KMT2A: variants seen among roughly 807,000 people sequenced by gnomAD.
KMT2A encodes the protein histone-lysine N-methyltransferase 2A.
Under a neutral mutation model 345.3 loss-of-function variants are expected in KMT2A, and 16 were observed. The ratio of observed to expected loss-of-function variants is 0.05; its 90% CI spans 0.03 to 0.07. KMT2A has a LOEUF of 0.07. KMT2A is among the 10% of genes least tolerant of loss of function. The pLI, the probability that KMT2A is intolerant of heterozygous loss-of-function variation, is 1.00. For synonymous variants in KMT2A, 1,599 were observed against 1,778.6 expected (o/e 0.90, Z 2.54); for missense variants, 3,272 against 4,841.6 (o/e 0.68, Z 9.62).
rs533671138 is a variant in KMT2A at position 118,523,052 on chromosome 11, G to A, written c.*880G>A. 13 of 219,846 alleles carry A rather than the reference G, an allele frequency of 5.9e-5. No individual in the cohort carries two copies. The highest frequency in any genetic ancestry group is 1.1e-4 in the Non-Finnish European group (12 of 109,504). The allele number at this position is 219,846 out of a possible 1,614,324, so 13.6% of individuals were successfully genotyped here. A position where few individuals can be genotyped will look rare whatever the true frequency, so the allele number is the denominator to read the frequency against. ...AGCACTCCAGGTGGGGAAGTGGACA[G>A]GAGCCATTGGTCATAACCAGACAGA... is the stretch of plus-strand genomic sequence containing the variant. On this transcript the variant is annotated 3_prime_UTR_variant, in exon 36 of 36. Coordinates refer to ENST00000534358, the MANE Select transcript of KMT2A (RefSeq NM_001197104.2).
rs1434227722 is a variant in KMT2A, at chr11:118,506,297, C to A, written c.10405C>A (p.His3469Asn). ...NQLLASKTGI[H>N]SSQRDLDSAS... ...GCTCCTTGCCAGCAAAACTGGGATTCATTCTTCCCAGCGTGATCTTGATTC... is the reference window on the plus strand; with the variant it reads ...GCTCCTTGCCAGCAAAACTGGGATTAATTCTTCCCAGCGTGATCTTGATTC... Residue 3469 changes from histidine to asparagine, a missense_variant, in exon 27 of 36, where the codon CAT (histidine) becomes AAT (asparagine). By Grantham distance (68) the His-to-Asn change is moderately conservative (BLOSUM62 1). Around this residue, in one of 27 missense-constraint regions of KMT2A, gnomAD observed 748 missense variants for 922.2 expected, o/e 0.81. Transcript: ENST00000534358. The A allele has an allele frequency of 1.9e-6, 3 of 1,614,188 alleles. No individual in the cohort carries two copies. The highest frequency in any genetic ancestry group is 2.5e-6 in the Non-Finnish European group (3 of 1,180,028).
chr11:118,518,781 C>CAA (rs372770910), intron 31 of KMT2A, among the ~76,000 whole-genome samples: 2,397 of 111,982 alleles, frequency 0.021, 84 homozygotes, highest in African/African-American at 0.072. Flanking sequence ...GAGTCTGTCT[C>CAA]AAAAAAAAAA....
intron 31 of KMT2A, among the ~76,000 whole-genome samples, chr11:118,518,395 G>A (rs1453192767): frequency 2.6e-5 from 4 of 152,182 alleles, no homozygotes; most frequent in Admixed American, 6.5e-5. Context: ...ACGGTGAGTA[G>A]AACAAAGCAG....
At chr11:118,438,559 TAAC>T (rs1418737541) in intron 1 of KMT2A, among the ~76,000 whole-genome samples, 1 of 152,024 alleles carries the variant, frequency 6.6e-6, no homozygotes, top group African/African-American at 2.4e-5. Context: ...AAGGGAAAGA[TAAC>T]AACCAGCCGT....
Position 118,471,995 on chromosome 11 carries a change from C to G in KMT2A, c.836C>G (p.Ser279Cys). ...KIKKLRAGKL[S>C]PLKSKFKTGK... ...AAAAAATTAAGAGCAGGTAAACTCTCTCCTCTCAAGTCTAAGTTTAAGACA... is the reference window on the plus strand; with the variant it reads ...AAAAAATTAAGAGCAGGTAAACTCTGTCCTCTCAAGTCTAAGTTTAAGACA... The change falls in exon 3 of 36, where the codon TCT becomes TGT. Residue 279 changes from serine (S) to cysteine (C), a missense_variant. Ser to Cys is a moderately radical substitution (Grantham distance 112). Around this residue, in one of 27 missense-constraint regions of KMT2A, gnomAD observed 412 missense variants for 511.0 expected, o/e 0.81. Coordinates refer to ENST00000534358, the MANE Select transcript of KMT2A (RefSeq NM_001197104.2). 6.2e-7 allele frequency: 1 copy of G among 1,614,022 alleles called. No homozygotes were observed. The highest frequency in any genetic ancestry group is 8.5e-7 in the Non-Finnish European group (1 of 1,179,976).
chr11:118,440,489 T>A (rs535019591), intron 1 of KMT2A, among the ~76,000 whole-genome samples: 1 of 152,340 alleles, frequency 6.6e-6, no homozygotes, highest in South Asian at 2.1e-4. Flanking sequence ...GAAGTTAGGC[T>A]GTTGTAATAA....
rs1020726478 is a variant in KMT2A, at chr11:118,506,218, C to T, written c.10326C>T (p.Ala3442=). ...LPSTQTTGIT[A]ASPSGEADEH... ...CCACTCAGACTACGGGCATAACAGC[C>T]GCTTCACCTTCTGGGGAAGCAGACG... is the stretch of plus-strand genomic sequence containing the variant. Residue 3442 remains alanine, a synonymous_variant, in exon 27 of 36, where the codon GCC becomes GCT. Transcript: ENST00000534358. 6.8e-6 allele frequency: 11 copies of T among 1,613,982 alleles called. No individual in the cohort carries two copies. The highest frequency in any genetic ancestry group is 3.3e-4 in the Middle Eastern group (2 of 6,084).
In KMT2A at chr11:118,491,518, TC is replaced by T; in HGVS notation, c.4819+202del. Among the ~76,000 whole-genome samples the T allele has an allele frequency of 1.3e-5, 2 of 152,356 alleles. No homozygotes were observed. Among genetic ancestry groups the T allele is most frequent in the African/African-American group, 4.8e-5 (2 of 41,576 alleles). On this transcript the variant is annotated intron_variant, in intron 14 of 35. Transcript: ENST00000534358. The surrounding 1 kb of genome is among the most constrained non-coding windows in gnomAD (Gnocchi z 4.2). ...ATGCCTTTAAAGTATTTATTTGCTGTCCTTTGTGTGTTCCATAACCTGATTC... is the reference window on the plus strand; with the variant it reads ...ATGCCTTTAAAGTATTTATTTGCTGTCTTTGTGTGTTCCATAACCTGATTC...
intron 28 of KMT2A, among the ~76,000 whole-genome samples, chr11:118,508,362 A>G (rs1217121798): frequency 1.3e-5 from 2 of 152,202 alleles, no homozygotes; most frequent in African/African-American, 2.4e-5. Flanking sequence ...CGCCAATTCT[A>G]TTGTGTGGAT....
intron 1 of KMT2A, among the ~76,000 whole-genome samples, chr11:118,455,525 A>C (rs1473621974): frequency 6.6e-6 from 1 of 152,158 alleles, no homozygotes; most frequent in Non-Finnish European, 1.5e-5. Context: ...ACCATACCAT[A>C]CAAGAATTAA....
intron 31 of KMT2A, among the ~76,000 whole-genome samples, chr11:118,514,815 TAG>T (rs1950774870): frequency 6.6e-6 from 1 of 152,128 alleles, no homozygotes; most frequent in South Asian, 2.1e-4. Context: ...GTATTTTTAG[TAG>T]AGTCAGGGTT....
chr11:118,471,427 C>G (rs1224625078), intron 2 of KMT2A, among the ~76,000 whole-genome samples: 2 of 152,072 alleles, frequency 1.3e-5, no homozygotes, highest in African/African-American at 4.8e-5. Flanking sequence ...TTTTTATTAT[C>G]TTTTTGTATC....
chr11:118,494,826 C>A lies in KMT2A; in HGVS notation c.5363+59C>A. On this transcript the variant is annotated intron_variant, in intron 18 of 35. Coordinates refer to ENST00000534358, the MANE Select transcript of KMT2A (RefSeq NM_001197104.2). This position sits in a 1 kb window ranked among gnomAD's most constrained non-coding sequence, Gnocchi z 5.8. ...CATCGGCTAGAAATCTGAGAGTTCT[C>A]ATATTTCTAGATTGCAGTTTTCCAA... The A allele has an allele frequency of 7.4e-7, 1 of 1,356,794 alleles. No individual in the cohort carries two copies. The highest frequency in any genetic ancestry group is 1.2e-5 in the South Asian group (1 of 82,360). 84.0% of individuals were successfully genotyped at this position (1,356,794 alleles called of 1,614,324 possible).
Position 118,505,740 on chromosome 11 carries a change from G to T in KMT2A, c.9848G>T (p.Arg3283Leu), listed in dbSNP as rs781886946. 7 of 1,613,886 alleles carry T rather than the reference G, an allele frequency of 4.3e-6. No homozygotes were observed. The Admixed American group carries it at 1.0e-4, about 23-fold the overall frequency. Residue 3283 changes from arginine (R) to leucine (L), a missense_variant, in exon 27 of 36, where the codon CGA (arginine) becomes CTA (leucine). By Grantham distance (102) the Arg-to-Leu change is moderately radical (BLOSUM62 -2). Transcript: ENST00000534358. This position sits in a 1 kb window ranked among gnomAD's most constrained non-coding sequence, Gnocchi z 4.6. ...GGGTCACTTAATACTTCATCTCACC[G>T]AACTGTCCCCAACATCATAAAAAGA... ...DLGSLNTSSH[R>L]TVPNIIKRSK...
intron 5 of KMT2A, among the ~76,000 whole-genome samples, chr11:118,478,783 G>A (rs186485271): frequency 1.3e-5 from 2 of 152,098 alleles, no homozygotes; most frequent in African/African-American, 2.4e-5. Context: ...AAGAGACAGG[G>A]TCTTGCTCTG....
At chr11:118,460,293 T>G (rs1268908298) in intron 1 of KMT2A, among the ~76,000 whole-genome samples, 2 of 152,146 alleles carry the variant, frequency 1.3e-5, no homozygotes, top group Non-Finnish European at 2.9e-5. Flanking sequence ...AAGAATAGAC[T>G]TTTTCTTTTT....
chr11:118,500,021 T>TA, intron 24 of KMT2A, 108 bp downstream of exon 24: 1 of 684,470 alleles, frequency 1.5e-6, no homozygotes, highest in Non-Finnish European at 2.6e-6. Flanking sequence ...TTTAAACTGC[T>TA]ACTAAAAATT....
chr11:118,474,356 T>C, intron 3 of KMT2A, 41 bp downstream of exon 3: 1 of 1,584,222 alleles, frequency 6.3e-7, no homozygotes, highest in Non-Finnish European at 8.6e-7. Context: ...AACAGTTTAT[T>C]GAGCCCTTTC....
chr11:118,488,112 G>A (rs782788461), intron 10 of KMT2A, among the ~76,000 whole-genome samples: 6 of 152,064 alleles, frequency 3.9e-5, no homozygotes, highest in Non-Finnish European at 7.4e-5. Flanking sequence ...CCCAGGAGGC[G>A]GAGGTTGCAG....
Sources: gnomAD v4.1 joint callset for allele counts (sites outside exome capture counted in the v4.1 genomes callset) on GRCh38, gnomAD v4.1.1 for gene constraint, gnomAD v4.1.1 regional missense constraint, Gnocchi (gnomAD v3.1) non-coding constraint, MANE v1.5 for transcripts, NCBI Gene and HGNC (gene_info 2026-07-23, HGNC 2026-07-21) for gene names.